VBP1: variants seen among roughly 807,000 people sequenced by gnomAD.
The protein encoded by VBP1 is VHL binding protein 1.
In VBP1, 4 loss-of-function variants were observed where a neutral mutation model predicts 15.5. The observed-to-expected ratio is 0.26, with a 90% CI of 0.13 to 0.59. VBP1 has a LOEUF of 0.59. Ranked by LOEUF, VBP1 falls within the 20% of genes least tolerant of loss-of-function variation. The pLI, the probability that VBP1 is intolerant of heterozygous loss-of-function variation, is 0.90. For synonymous variants in VBP1, 61 were observed against 52.1 expected (o/e 1.17, Z -0.74); for missense variants, 108 against 139.6 (o/e 0.77, Z 1.14).
At chrX:155,210,099 A>C (rs1334951416) in intron 2 of VBP1, among the ~76,000 whole-genome samples, 2 of 111,068 alleles carry the variant, frequency 1.8e-5, no homozygotes, top group Non-Finnish European at 1.9e-5. Flanking sequence ...TTAATAATTC[A>C]CCTAACCCAC....
chrX:155,224,690 T>C (rs1461850707), intron 2 of VBP1, among the ~76,000 whole-genome samples: 1 of 112,355 alleles, frequency 8.9e-6, no homozygotes, highest in Non-Finnish European at 1.9e-5. Context: ...CTTCAAGCTG[T>C]GTAAAAGTTC....
chrX:155,219,809 A>T (rs2074680366), intron 1 of VBP1, among the ~76,000 whole-genome samples: 1 of 111,040 alleles, frequency 9.0e-6, no homozygotes, highest in African/African-American at 3.3e-5. Context: ...TTTTATAACT[A>T]CAGGTTGAGC....
intron 5 of VBP1, 63 bp downstream of exon 5, chrX:155,236,430 C>T (rs782156733): frequency 1.8e-6 from 2 of 1,126,150 alleles, no homozygotes. Context: ...AAAAAACATT[C>T]TTTCATGGGC....
intron 5 of VBP1, among the ~76,000 whole-genome samples, chrX:155,238,001 G>C (rs781877276): frequency 1.8e-5 from 2 of 111,492 alleles, no homozygotes; most frequent in Admixed American, 1.9e-4. Flanking sequence ...CCAGCTATGA[G>C]ATGACGAGGG....
At position 155,238,748 on chromosome X, in the gene VBP1, C is replaced by T. The variant is rs200109711; in HGVS notation, c.524-24C>T. 2.2e-3 allele frequency: 2,568 copies of T among 1,171,899 alleles called. 4 individuals carry two copies. Among genetic ancestry groups the T allele is most frequent in the Non-Finnish European group, 2.8e-3 (2,435 of 870,262 alleles). Reference sequence around the variant, plus strand: ...TGCATTATCTTTAGAATTGCATTTGCATTTTCTTTGACAATTCTTGCAGAT... The same window carrying T: ...TGCATTATCTTTAGAATTGCATTTGTATTTTCTTTGACAATTCTTGCAGAT... On this transcript the variant is annotated intron_variant, in intron 5 of 5. Coordinates refer to ENST00000286428, the MANE Select transcript of VBP1 (RefSeq NM_003372.7).
In VBP1 at chrX:155,237,354, T is replaced by C. The variant is rs190911260; in HGVS notation, c.523+987T>C. Among the ~76,000 whole-genome samples, 8 of 111,877 alleles carry C rather than the reference T, an allele frequency of 7.2e-5. No individual in the cohort carries two copies. In the East Asian group the frequency reaches 2.2e-3, roughly 31 times the overall value. On this transcript the variant is annotated intron_variant, in intron 5 of 5. Transcript: ENST00000286428. The stretch of plus-strand genomic sequence containing the variant: ...TCATAAATCTCTCTGCCCATTACTG[T>C]TCTCGTTCTGGGGCTCCAAAACCTG...
At chrX:155,199,282 G>A (rs2074591948) in intron 1 of VBP1, among the ~76,000 whole-genome samples, 1 of 109,957 alleles carries the variant, frequency 9.1e-6, no homozygotes, top group Non-Finnish European at 1.9e-5. Flanking sequence ...TCCTCGAGAA[G>A]AGCAACTCCA....
At chrX:155,225,940 GC>G (rs1407259240) in intron 2 of VBP1, among the ~76,000 whole-genome samples, 1 of 111,650 alleles carries the variant, frequency 9.0e-6, no homozygotes, top group African/African-American at 3.3e-5. Flanking sequence ...CACATTTCTT[GC>G]CAGGTCAGTA....
chrX:155,225,426 C>T (rs2074714997), intron 2 of VBP1, among the ~76,000 whole-genome samples: 1 of 112,006 alleles, frequency 8.9e-6, no homozygotes, highest in African/African-American at 3.3e-5. Context: ...TCTCGAACTC[C>T]TGGCCTCAGG....
chrX:155,215,985 G>C (rs1408645278), upstream of VBP1, among the ~76,000 whole-genome samples: 2 of 111,514 alleles, frequency 1.8e-5, no homozygotes, highest in Admixed American at 9.5e-5. Context: ...CAGACACAAA[G>C]TAAGTTCCCT....
intron 5 of VBP1, among the ~76,000 whole-genome samples, chrX:155,236,748 AATGTG>A (rs2074775517): frequency 8.9e-6 from 1 of 112,828 alleles, no homozygotes; most frequent in Admixed American, 9.4e-5. Context: ...GTGATTTTGA[AATGTG>A]ATGTGGAAAC....
chrX:155,199,561 G>A (rs2074593278), intron 1 of VBP1, among the ~76,000 whole-genome samples: 1 of 111,718 alleles, frequency 9.0e-6, no homozygotes, highest in African/African-American at 3.3e-5. Flanking sequence ...CAAATGCTGA[G>A]AGATTTTGTC....
intron 1 of VBP1, among the ~76,000 whole-genome samples, chrX:155,208,222 T>C (rs2074632538): frequency 8.9e-6 from 1 of 112,162 alleles, no homozygotes; most frequent in South Asian, 3.7e-4. Context: ...CCTCCTTAGT[T>C]TGTTCTTCAT....
At chrX:155,220,560 A>G (rs190378536) in intron 2 of VBP1, among the ~76,000 whole-genome samples, 2 of 111,503 alleles carry the variant, frequency 1.8e-5, no homozygotes, top group South Asian at 3.7e-4. Flanking sequence ...CTGTATTCCA[A>G]AGCTTTCAAA....
chrX:155,220,070 C>T, intron 1 of VBP1, 113 bp from the exon 2 acceptor site: 2 of 733,143 alleles, frequency 2.7e-6, no homozygotes, highest in Non-Finnish European at 3.8e-6. Context: ...TAAAAACAAA[C>T]CTTTGGAGAA....
chrX:155,216,672 G>A, intron 1 of VBP1, 97 bp downstream of exon 1: 1 of 1,105,082 alleles, frequency 9.0e-7, no homozygotes, highest in Non-Finnish European at 1.2e-6. Context: ...GGAAGGAGCT[G>A]AGCCAAGTGT....
intron 1 of VBP1, among the ~76,000 whole-genome samples, chrX:155,201,969 GACAA>G (rs1184798584): frequency 3.6e-5 from 4 of 111,318 alleles, no homozygotes; most frequent in Non-Finnish European, 5.7e-5. Context: ...ACCAATAACA[GACAA>G]ACAGAGAGCC....
At chrX:155,216,346 G>A (rs1026918218), upstream of VBP1, 8 of 1,102,330 alleles carry the variant, frequency 7.3e-6, no homozygotes, top group African/African-American at 1.3e-4. Context: ...GGAGAACGGG[G>A]ACTTGTGGGG....
chrX:155,227,683 A>C (rs5983703), intron 3 of VBP1, among the ~76,000 whole-genome samples: 161 of 112,455 alleles, frequency 1.4e-3, no homozygotes, highest in African/African-American at 5.1e-3. Flanking sequence ...ATAGAGCTGG[A>C]ACGAATCTTA....
Sources: gnomAD v4.1 joint callset for allele counts (sites outside exome capture counted in the v4.1 genomes callset) on GRCh38, gnomAD v4.1.1 for gene constraint, MANE v1.5 for transcripts, NCBI Gene and HGNC (gene_info 2026-07-23, HGNC 2026-07-21) for gene names.